CAPS2: variants seen among roughly 807,000 people sequenced by gnomAD.
The protein encoded by CAPS2 is calcyphosin-2.
A neutral mutation model predicts 86.5 loss-of-function variants in CAPS2; 98 were observed. That is an observed-to-expected ratio of 1.13 (90% CI 0.96 to 1.34). CAPS2 has a LOEUF of 1.34. CAPS2 is among the 40% of genes most tolerant of loss of function. The pLI is 0.00. For synonymous variants in CAPS2, 210 were observed against 225.1 expected, an observed-to-expected ratio of 0.93 and a Z score of 0.60; for missense variants, 729 against 686.8, an observed-to-expected ratio of 1.06 and a Z score of -0.69.
intron 11 of CAPS2, among the ~76,000 whole-genome samples, chr12:75,296,905 A>G (rs528706183): frequency 2.6e-5 from 4 of 152,328 alleles, no homozygotes; most frequent in African/African-American, 9.6e-5. Context: ...GTATTTTTAA[A>G]AGTAGGGATA....
At chr12:75,341,711 G>A (rs1001000564) in intron 1 of CAPS2, among the ~76,000 whole-genome samples, 2 of 145,592 alleles carry the variant, frequency 1.4e-5, no homozygotes, top group Non-Finnish European at 3.0e-5. Flanking sequence ...CGCCCAAAGT[G>A]TTGGGATTAA....
chr12:75,306,311 G>A (rs1379771134), intron 7 of CAPS2: 8 of 581,310 alleles, frequency 1.4e-5, no homozygotes, highest in Non-Finnish European at 2.4e-5. Context: ...GAGCTCTGCG[G>A]GAGGCTAATC....
chr12:75,283,753 G>A (rs1290436592), intron 15 of CAPS2, among the ~76,000 whole-genome samples: 2 of 152,116 alleles, frequency 1.3e-5, no homozygotes, highest in Non-Finnish European at 2.9e-5. Context: ...GGTGGAGGTT[G>A]CAGTGAACCA....
At chr12:75,299,901 G>C (rs763959666) in exon 9 of CAPS2, 2 of 1,457,220 alleles carry the variant, frequency 1.4e-6, no homozygotes, top group East Asian at 2.4e-5. Context: ...AATGTAGAAT[G>C]AGTTCTTATC....
At chr12:75,298,052 T>C (rs1246631875) in intron 11 of CAPS2, 1 of 152,208 alleles carries the variant, frequency 6.6e-6, no homozygotes, top group African/African-American at 2.4e-5. Flanking sequence ...TACTGTTCCA[T>C]CTACAGATCT....
At chr12:75,325,022 T>TA (rs1248479615) in intron 2 of CAPS2, among the ~76,000 whole-genome samples, 1 of 152,104 alleles carries the variant, frequency 6.6e-6, no homozygotes, top group East Asian at 1.9e-4. Context: ...TTAAGGAAAA[T>TA]AAAAAACCAA....
chr12:75,358,324 C>A (rs2043289686), intron 1 of CAPS2, among the ~76,000 whole-genome samples: 1 of 151,662 alleles, frequency 6.6e-6, no homozygotes, highest in African/African-American at 2.4e-5. Context: ...ACAAAAAAAT[C>A]TAAACAAAAT....
chr12:75,282,511 C>A (rs943898719), intron 15 of CAPS2, among the ~76,000 whole-genome samples, 164 bp from the exon 16 acceptor site: 1 of 152,054 alleles, frequency 6.6e-6, no homozygotes, highest in African/African-American at 2.4e-5. Context: ...CTCAGCCTAC[C>A]GAGTAGCTGG....
At chr12:75,311,703 AAAAAAAAACAAAAAAAAAAAC>A (rs1251369404) in intron 7 of CAPS2, among the ~76,000 whole-genome samples, 55 of 15,412 alleles carry the variant, frequency 3.6e-3, no homozygotes, top group African/African-American at 7.2e-3. Context: ...CATGCAGGAA[AAAAAAAAACAAAAAAAAAAAC>A]AAAAAAAAAA....
At chr12:75,340,118 G>A (rs954298322) in intron 1 of CAPS2, among the ~76,000 whole-genome samples, 8 of 150,344 alleles carry the variant, frequency 5.3e-5, no homozygotes, top group Non-Finnish European at 1.0e-4. Flanking sequence ...TCCATTATAT[G>A]TATATATTTT....
intron 1 of CAPS2, chr12:75,365,052 T>TC (rs1310099533): frequency 1.3e-5 from 2 of 152,142 alleles, no homozygotes; most frequent in African/African-American, 4.8e-5. Context: ...GGATCTGAAC[T>TC]AATTATATCC....
intron 7 of CAPS2, among the ~76,000 whole-genome samples, chr12:75,307,284 CTAAG>C (rs1040714988): frequency 3.9e-5 from 6 of 152,300 alleles, no homozygotes; most frequent in African/African-American, 1.4e-4. Context: ...CTATAATCTA[CTAAG>C]TATTATAGAA....
intron 12 of CAPS2, among the ~76,000 whole-genome samples, 198 bp downstream of exon 12, chr12:75,293,051 G>T (rs1360190127): frequency 6.6e-6 from 1 of 151,910 alleles, no homozygotes; most frequent in African/African-American, 2.4e-5. Context: ...ATATTTCATT[G>T]ATTATAACTG....
intron 1 of CAPS2, among the ~76,000 whole-genome samples, chr12:75,378,470 T>C (rs2044779617): frequency 6.6e-6 from 1 of 152,102 alleles, no homozygotes; most frequent in Non-Finnish European, 1.5e-5. Context: ...AAGAGATTTT[T>C]AGTAATTGGC....
intron 1 of CAPS2, among the ~76,000 whole-genome samples, chr12:75,337,658 CAA>C (rs1485481284): frequency 6.6e-6 from 1 of 151,914 alleles, no homozygotes; most frequent in Non-Finnish European, 1.5e-5. Flanking sequence ...CTACCTACCT[CAA>C]GATTGGAATT....
chr12:75,297,834 C>T (rs1433756261), intron 11 of CAPS2, among the ~76,000 whole-genome samples: 1 of 152,084 alleles, frequency 6.6e-6, no homozygotes, highest in Non-Finnish European at 1.5e-5. Context: ...GAAGCTTTTC[C>T]CCACCCTAAC....
upstream of CAPS2, chr12:75,329,765 A>T (rs2041125860): frequency 7.4e-7 from 1 of 1,360,450 alleles, no homozygotes. Flanking sequence ...TTCAAGCAAA[A>T]CAGGGTAATA....
At chr12:75,384,015 A>G (rs2139833776) in intron 1 of CAPS2, among the ~76,000 whole-genome samples, 1 of 152,304 alleles carries the variant, frequency 6.6e-6, no homozygotes, top group African/African-American at 2.4e-5. Flanking sequence ...GGGATGCAGC[A>G]AAGCATTGCT....
chr12:75,288,444 C>T (rs1008520054), intron 14 of CAPS2, among the ~76,000 whole-genome samples: 1 of 152,116 alleles, frequency 6.6e-6, no homozygotes, highest in African/African-American at 2.4e-5. Flanking sequence ...AGTTAAAAGA[C>T]TGGTCCAAGA....
Sources: allele counts gnomAD v4.1 joint callset (sites outside exome capture counted in the v4.1 genomes callset), GRCh38; gene constraint gnomAD v4.1.1; transcripts MANE v1.5; gene names NCBI Gene and HGNC (gene_info 2026-07-23, HGNC 2026-07-21).